FBN1: variants seen among roughly 807,000 people sequenced by gnomAD.
The protein encoded by FBN1 is fibrillin 1, also known as fibrillin-1.
FBN1 carries 29 observed loss-of-function variants against 365.1 expected under a neutral mutation model. The observed-to-expected ratio is 0.08, with a 90% CI of 0.06 to 0.11. FBN1 has a LOEUF of 0.11. FBN1 is among the 10% of genes least tolerant of loss of function. The pLI is 1.00. For missense variants in FBN1, 2,476 were observed against 3,703.2 expected (o/e 0.67, Z 8.60); for synonymous variants, 1,210 against 1,270.5 (o/e 0.95, Z 1.01).
chr15:48,615,901 T>G (rs1036826085), intron 2 of FBN1, among the ~76,000 whole-genome samples: 2 of 152,116 alleles, frequency 1.3e-5, no homozygotes, highest in Non-Finnish European at 2.9e-5. Context: ...AAAACAGAAA[T>G]GTTTCAACCT....
At position 48,503,084 on chromosome 15, in the gene FBN1, G is replaced by A. The variant is rs375675628; in HGVS notation, c.2113+703C>T. Among the ~76,000 whole-genome samples, 48 of 152,034 alleles carry A rather than the reference G, an allele frequency of 3.2e-4. 1 individual carries two copies. The East Asian group carries it at 8.7e-3, about 28-fold the overall frequency. ...GGAGGCCGAGGCAGGTGGATCACGA[G>A]GTCAGGAGTTCAAGACCAGCCTGGC... On this transcript the variant is annotated intron_variant, in intron 17 of 65. Transcript: ENST00000316623.
intron 31 of FBN1, 62 bp downstream of exon 31, chr15:48,483,756 T>C (rs995925680): frequency 7.5e-6 from 12 of 1,597,958 alleles, no homozygotes; most frequent in Admixed American, 1.7e-5. Context: ...ACTAACTTTA[T>C]GTAATTTAAC....
intron 38 of FBN1, 106 bp from the exon 39 acceptor site, chr15:48,465,964 G>T: frequency 1.2e-6 from 1 of 806,876 alleles, no homozygotes. Context: ...TTCATTTTCA[G>T]GAATCTTTAG....
At chr15:48,485,351 A>G (rs1268627601) in intron 30 of FBN1, 23 bp downstream of exon 30, 1 of 1,614,194 alleles carries the variant, frequency 6.2e-7, no homozygotes, top group Non-Finnish European at 8.5e-7. Flanking sequence ...GAGAGATTCA[A>G]CATGAGGCTA....
intron 6 of FBN1, among the ~76,000 whole-genome samples, chr15:48,566,807 G>A (rs1484049111): frequency 6.6e-6 from 1 of 152,204 alleles, no homozygotes; most frequent in African/African-American, 2.4e-5. Flanking sequence ...AGAGAATCCT[G>A]ACAGCTGAGT....
chr15:48,437,714 A>T, intron 51 of FBN1, 54 bp downstream of exon 51: 1 of 1,590,076 alleles, frequency 6.3e-7, no homozygotes. Context: ...TACTTACATC[A>T]TGGCCAGTCT....
At chr15:48,499,188 T>C (rs1262582620) in intron 17 of FBN1, 150 bp from the exon 18 acceptor site, 1 of 771,712 alleles carries the variant, frequency 1.3e-6, no homozygotes, top group Non-Finnish European at 2.3e-6. Context: ...GGGAGTCACC[T>C]TTACACCAGG....
At chr15:48,566,727 C>A (rs1040248700) in intron 6 of FBN1, among the ~76,000 whole-genome samples, 1 of 152,146 alleles carries the variant, frequency 6.6e-6, no homozygotes, top group African/African-American at 2.4e-5. Flanking sequence ...TCTAGTTCAA[C>A]CCCTTGGATT....
At position 48,472,720 on chromosome 15, in the gene FBN1, GCTTT is replaced by G. The variant is rs762509277; in HGVS notation, c.4211-48_4211-45del. On this transcript the variant is annotated intron_variant, in intron 34 of 65. Coordinates refer to ENST00000316623, the MANE Select transcript of FBN1 (RefSeq NM_000138.5). ...ACACGTTACTCTTCCTCGGTTAGGGGCTTTCTAATTCCTCAGGTCTATCAACTTT... is the reference window on the plus strand; with the variant it reads ...ACACGTTACTCTTCCTCGGTTAGGGGCTAATTCCTCAGGTCTATCAACTTT... 7.4e-6 allele frequency: 12 copies of G among 1,613,850 alleles called. No homozygotes were observed. The South Asian group carries it at 8.8e-5, about 12-fold the overall frequency.
Position 48,410,820 on chromosome 15 carries a change from A to T in FBN1, c.*170T>A. The T allele has an allele frequency of 1.5e-6, 1 of 650,942 alleles. No individual in the cohort carries two copies. 40.3% of individuals were successfully genotyped at this position (650,942 alleles called of 1,614,324 possible). A position where few individuals can be genotyped will look rare whatever the true frequency, so the allele number is the denominator to read the frequency against. The stretch of plus-strand genomic sequence containing the variant: ...CCTGAGAAAGTGGTTGTTTTGAACT[A>T]GGGTAGTCACCTGTACCTTGCTTTG... On this transcript the variant is annotated 3_prime_UTR_variant, in exon 66 of 66. Transcript: ENST00000316623.
chr15:48,503,724 T>C, intron 17 of FBN1, 63 bp downstream of exon 17: 1 of 1,607,250 alleles, frequency 6.2e-7, no homozygotes, highest in Non-Finnish European at 8.5e-7. Context: ...ATTCCACAAA[T>C]GCAAAGACCT....
intron 50 of FBN1, 98 bp from the exon 51 acceptor site, chr15:48,438,015 T>C: frequency 8.0e-7 from 1 of 1,257,820 alleles, no homozygotes; most frequent in Non-Finnish European, 1.2e-6. Context: ...ATATATGTTC[T>C]CCTCTCAGGA....
chr15:48,436,909 T>G, intron 53 of FBN1, 52 bp downstream of exon 53: 1 of 1,129,568 alleles, frequency 8.9e-7, no homozygotes, highest in South Asian at 1.2e-5. Context: ...GAATACTGTA[T>G]AGCTTAATTT....
intron 17 of FBN1, among the ~76,000 whole-genome samples, chr15:48,499,784 A>C (rs2043639606): frequency 6.6e-6 from 1 of 152,236 alleles, no homozygotes; most frequent in Non-Finnish European, 1.5e-5. Context: ...AACTAACTGG[A>C]ATCACACTAT....
chr15:48,494,056 A>G, intron 23 of FBN1, 148 bp downstream of exon 23: 1 of 691,114 alleles, frequency 1.4e-6, no homozygotes, highest in Non-Finnish European at 2.6e-6. Flanking sequence ...TGAAATTAAC[A>G]GCTGTTCCGT....
intron 6 of FBN1, among the ~76,000 whole-genome samples, chr15:48,587,524 T>G (rs780972857): frequency 6.6e-6 from 1 of 152,114 alleles, no homozygotes; most frequent in Non-Finnish European, 1.5e-5. Flanking sequence ...ACAGAAGGGC[T>G]CCAGTACCAT....
At chr15:48,619,414 C>T (rs916470641) in intron 2 of FBN1, among the ~76,000 whole-genome samples, 4 of 152,058 alleles carry the variant, frequency 2.6e-5, no homozygotes, top group East Asian at 1.9e-4. Flanking sequence ...GACTCTATTA[C>T]GTTTTCCTCC....
Position 48,520,688 on chromosome 15 carries a change from G to A in FBN1, c.1118C>T (p.Ala373Val), listed in dbSNP as rs762598979. 2.5e-6 allele frequency: 4 copies of A among 1,614,012 alleles called. No individual in the cohort carries two copies. The African/African-American group carries it at 4.0e-5, about 16-fold the overall frequency. ...GRCWSPGVTV[A>V]PEMCPIRATE... is the part of the protein sequence containing the mutation. ...TGCTCTGATGGGACACATCTCAGGG[G>A]CGACAGTGACCCCTGGAGACCAGCA... Residue 373 changes from alanine (A) to valine (V), a missense_variant, in exon 10 of 66, where the codon GCC becomes GTC. By Grantham distance (64) the Ala-to-Val change is moderately conservative. Transcript: ENST00000316623.
At chr15:48,544,733 G>T (rs977756548) in intron 6 of FBN1, among the ~76,000 whole-genome samples, 2 of 152,118 alleles carry the variant, frequency 1.3e-5, no homozygotes, top group African/African-American at 4.8e-5. Flanking sequence ...ATCTTGTTCA[G>T]AGTAAAAGAA....
Sources: gnomAD v4.1 joint callset for allele counts (sites outside exome capture counted in the v4.1 genomes callset) on GRCh38, gnomAD v4.1.1 for gene constraint, MANE v1.5 for transcripts, NCBI Gene and HGNC (gene_info 2026-07-23, HGNC 2026-07-21) for gene names.